PALS2: variants seen among roughly 807,000 people sequenced by gnomAD.
PALS2 encodes the protein protein associated with LIN7 2, MAGUK p55 family member, also known as protein PALS2.
In PALS2, 27 loss-of-function variants were observed where a neutral mutation model predicts 61.6. The observed-to-expected ratio is 0.44, with a 90% CI of 0.32 to 0.60. PALS2 has a LOEUF of 0.60. Among genes scored for constraint, PALS2 ranks in the 20% least tolerant of loss-of-function variants. PALS2 has a pLI of 0.05. For missense variants in PALS2, 554 were observed against 639.4 expected (o/e 0.87, Z 1.44); for synonymous variants, 236 against 218.6 (o/e 1.08, Z -0.70).
rs1788549852 is a variant in PALS2 at position 24,693,095 on chromosome 7, C to G, written c.*5481C>G. 1 of 152,124 alleles carries G rather than the reference C, an allele frequency of 6.6e-6. No individual in the cohort carries two copies. Among genetic ancestry groups the G allele is most frequent in the Non-Finnish European group, 1.5e-5 (1 of 68,008 alleles). 9.4% of individuals were successfully genotyped at this position (152,124 alleles called of 1,614,324 possible). On this transcript the variant is annotated 3_prime_UTR_variant, in exon 12 of 12. Coordinates refer to ENST00000222644, the MANE Select transcript of PALS2 (RefSeq NM_001303037.2). ...TCCTTTTTTTCCCCTCCTACTGGCT[C>G]TTACTGTTTTCTAATCTCCAGTGTA...
At chr7:24,661,579 C>G (rs1786724735) in intron 5 of PALS2, among the ~76,000 whole-genome samples, 1 of 152,148 alleles carries the variant, frequency 6.6e-6, no homozygotes, top group Admixed American at 6.5e-5. Flanking sequence ...CTGCATCTTT[C>G]TTGAGAAGTA....
intron 1 of PALS2, among the ~76,000 whole-genome samples, chr7:24,619,016 A>C (rs1034148634): frequency 3.3e-5 from 5 of 152,196 alleles, no homozygotes; most frequent in African/African-American, 1.2e-4. Context: ...TCACTTGAAA[A>C]AGCCAGCTAT....
chr7:24,621,369 T>C (rs1277030913), intron 1 of PALS2, among the ~76,000 whole-genome samples: 1 of 152,118 alleles, frequency 6.6e-6, no homozygotes, highest in African/African-American at 2.4e-5. Flanking sequence ...AGAAAAATAT[T>C]TGAATATTTA....
intron 1 of PALS2, among the ~76,000 whole-genome samples, chr7:24,588,457 C>T (rs551522067): frequency 6.6e-6 from 1 of 152,176 alleles, no homozygotes; most frequent in South Asian, 2.1e-4. Context: ...TAATTGAGGG[C>T]CTCTGATGAT....
At chr7:24,685,587 C>T (rs916389417) in intron 11 of PALS2, among the ~76,000 whole-genome samples, 7 of 151,670 alleles carry the variant, frequency 4.6e-5, no homozygotes, top group African/African-American at 1.7e-4. Flanking sequence ...ACTCTATAGC[C>T]AGAGAGAGAA....
chr7:24,603,555 TTGAA>T (rs1783789892), intron 1 of PALS2, among the ~76,000 whole-genome samples: 1 of 152,178 alleles, frequency 6.6e-6, no homozygotes, highest in Non-Finnish European at 1.5e-5. Flanking sequence ...GGCTGCAACT[TTGAA>T]TGCATTTCCC....
chr7:24,638,317 A>ATTTTT (rs1562631729), intron 2 of PALS2, among the ~76,000 whole-genome samples: 7 of 14,252 alleles, frequency 4.9e-4, no homozygotes, highest in Non-Finnish European at 7.6e-4. Flanking sequence ...CAATTTCTGT[A>ATTTTT]TTTTCTTTTT....
intron 1 of PALS2, among the ~76,000 whole-genome samples, chr7:24,610,401 T>G (rs1264840690): frequency 6.6e-6 from 1 of 152,132 alleles, no homozygotes; most frequent in Non-Finnish European, 1.5e-5. Context: ...TTTGAGTTTT[T>G]GGGGAACAGA....
intron 2 of PALS2, among the ~76,000 whole-genome samples, chr7:24,639,671 T>A (rs976854492): frequency 6.6e-6 from 1 of 151,016 alleles, no homozygotes; most frequent in Non-Finnish European, 1.5e-5. Context: ...GTAGATTATT[T>A]TCTTTTTTTT....
intron 2 of PALS2, among the ~76,000 whole-genome samples, chr7:24,628,236 C>T (rs1398504788): frequency 6.6e-6 from 1 of 152,150 alleles, no homozygotes; most frequent in African/African-American, 2.4e-5. Flanking sequence ...TAATATAATC[C>T]ATCACATAAG....
At position 24,691,543 on chromosome 7, in the gene PALS2, A is replaced by C. The variant is rs6948029; in HGVS notation, c.*3929A>C. 133 of 150,746 alleles carry C rather than the reference A, an allele frequency of 8.8e-4. No individual in the cohort carries two copies. The highest frequency in any genetic ancestry group is 3.4e-3 in the Middle Eastern group (1 of 290). The allele number at this position is 150,746 out of a possible 1,614,324, so 9.3% of individuals were successfully genotyped here. ...TTATAACTAGCATTCTAAAATTTTT[A>C]ATTACTCCCATTTCTTTGACATTCT... On this transcript the variant is annotated 3_prime_UTR_variant, in exon 12 of 12. Coordinates refer to ENST00000222644, the MANE Select transcript of PALS2 (RefSeq NM_001303037.2).
chr7:24,643,328 T>C (rs934575934), intron 3 of PALS2, among the ~76,000 whole-genome samples: 1 of 152,170 alleles, frequency 6.6e-6, no homozygotes, highest in African/African-American at 2.4e-5. Context: ...ATAAAAATTT[T>C]AGAATACCAG....
chr7:24,636,903 G>A (rs781554782), intron 2 of PALS2, among the ~76,000 whole-genome samples: 107 of 152,170 alleles, frequency 7.0e-4, no homozygotes, highest in Admixed American at 1.6e-3. Context: ...AATTTAAAAC[G>A]TTCATTAAGT....
chr7:24,683,868 T>C (rs969882404), intron 11 of PALS2, among the ~76,000 whole-genome samples: 1 of 152,204 alleles, frequency 6.6e-6, no homozygotes, highest in Admixed American at 6.5e-5. Context: ...TTATTTTATC[T>C]TATATGTCTA....
chr7:24,691,550 C>G lies in PALS2; in HGVS notation c.*3936C>G, dbSNP rs1788479186. 6.6e-6 allele frequency: 1 copy of G among 150,620 alleles called. No homozygotes were observed. The highest frequency in any genetic ancestry group is 1.5e-5 in the Non-Finnish European group (1 of 67,596). 9.3% of individuals were successfully genotyped at this position (150,620 alleles called of 1,614,324 possible). Reference sequence around the variant, plus strand: ...TAGCATTCTAAAATTTTTAATTACTCCCATTTCTTTGACATTCTGAAACTT... The same window carrying G: ...TAGCATTCTAAAATTTTTAATTACTGCCATTTCTTTGACATTCTGAAACTT... On this transcript the variant is annotated 3_prime_UTR_variant, in exon 12 of 12. Transcript: ENST00000222644.
intron 2 of PALS2, among the ~76,000 whole-genome samples, chr7:24,634,362 C>G (rs1785143277): frequency 6.6e-6 from 1 of 152,172 alleles, no homozygotes; most frequent in African/African-American, 2.4e-5. Flanking sequence ...TCCTGAGTAG[C>G]TGGGACTACA....
At chr7:24,656,684 G>A (rs1351480127) in intron 5 of PALS2, among the ~76,000 whole-genome samples, 12 of 151,692 alleles carry the variant, frequency 7.9e-5, no homozygotes, top group Non-Finnish European at 1.0e-4. Context: ...CACCACACCC[G>A]GCTAATATTT....
chr7:24,666,268 A>G lies in PALS2; in HGVS notation c.952+179A>G, dbSNP rs542359848. 2.6e-5 allele frequency among the ~76,000 whole-genome samples: 4 copies of G among 152,318 alleles called. No homozygotes were observed. The South Asian group carries it at 6.2e-4, about 24-fold the overall frequency. ...ATAAATTATTTAAAACCCACATTAT[A>G]TATACTACCATGTGCTTTATTTTGT... On this transcript the variant is annotated intron_variant, in intron 8 of 11. Transcript: ENST00000222644.
chr7:24,595,491 T>A (rs1783471671), intron 1 of PALS2, among the ~76,000 whole-genome samples: 1 of 126,818 alleles, frequency 7.9e-6, no homozygotes. Flanking sequence ...ATATATATTA[T>A]ATATTTTTAA....
Sources: gnomAD v4.1 joint callset for allele counts (sites outside exome capture counted in the v4.1 genomes callset) on GRCh38, gnomAD v4.1.1 for gene constraint, MANE v1.5 for transcripts, NCBI Gene and HGNC (gene_info 2026-07-23, HGNC 2026-07-21) for gene names.